Variants in CDH12 observed in about 807,000 individuals in gnomAD.
The protein encoded by CDH12 is cadherin-12.
CDH12 carries 41 observed loss-of-function variants against 74.1 expected under a neutral mutation model. The ratio of observed to expected loss-of-function variants is 0.55; its 90% CI spans 0.43 to 0.72. The LOEUF is 0.72. Ranked by LOEUF, CDH12 falls within the 30% of genes least tolerant of loss-of-function variation. CDH12 has a pLI of 0.00. For synonymous variants in CDH12, 399 were observed against 355.0 expected (o/e 1.12, Z -1.39); for missense variants, 945 against 977.2 (o/e 0.97, Z 0.44).
intron 5 of CDH12, among the ~76,000 whole-genome samples, chr5:22,032,368 G>T (rs914366462): frequency 1.3e-5 from 2 of 151,968 alleles, no homozygotes; most frequent in African/African-American, 4.8e-5. Flanking sequence ...AGGCATTCTA[G>T]CCTTGATCCT....
chr5:22,318,436 G>A (rs1306276359), intron 3 of CDH12, among the ~76,000 whole-genome samples: 1 of 152,166 alleles, frequency 6.6e-6, no homozygotes, highest in Non-Finnish European at 1.5e-5. Context: ...CGGAATCAAA[G>A]TTCATTTCCC....
At chr5:22,562,278 C>T (rs928491793) in intron 1 of CDH12, among the ~76,000 whole-genome samples, 1 of 152,058 alleles carries the variant, frequency 6.6e-6, no homozygotes. Context: ...GATCCCGCCA[C>T]TGCACTCCAG....
chr5:22,742,191 G>T (rs1745061474), intron 1 of CDH12, among the ~76,000 whole-genome samples: 2 of 149,782 alleles, frequency 1.3e-5, no homozygotes, highest in Admixed American at 1.3e-4. Context: ...CAAAAAAAAA[G>T]AAGAAAGAAA....
chr5:22,250,130 A>G (rs970937325), intron 3 of CDH12, among the ~76,000 whole-genome samples: 13 of 152,136 alleles, frequency 8.5e-5, no homozygotes, highest in African/African-American at 3.1e-4. Context: ...CAGAGAGTTT[A>G]ATTTGAGCTA....
intron 1 of CDH12, among the ~76,000 whole-genome samples, chr5:22,506,497 G>T (rs989597399): frequency 1.3e-5 from 2 of 151,982 alleles, no homozygotes; most frequent in African/African-American, 4.8e-5. Context: ...CATATTGGTT[G>T]GTTTAGTGAG....
At chr5:22,438,012 T>C (rs1017736745) in intron 2 of CDH12, among the ~76,000 whole-genome samples, 12 of 152,176 alleles carry the variant, frequency 7.9e-5, no homozygotes, top group African/African-American at 2.9e-4. Flanking sequence ...TGTTTGTTAC[T>C]CCATAATTTT....
chr5:22,808,025 T>C (rs1748908359), intron 1 of CDH12, among the ~76,000 whole-genome samples: 1 of 152,250 alleles, frequency 6.6e-6, no homozygotes, highest in Non-Finnish European at 1.5e-5. Context: ...TTCATTATAA[T>C]CTTATGGGAC....
At chr5:22,829,200 T>C (rs567369351) in intron 1 of CDH12, among the ~76,000 whole-genome samples, 1 of 152,274 alleles carries the variant, frequency 6.6e-6, no homozygotes, top group South Asian at 2.1e-4. Flanking sequence ...CATGAGTAGA[T>C]TTAAATTATG....
At chr5:22,273,644 G>A (rs1736502881) in intron 3 of CDH12, among the ~76,000 whole-genome samples, 2 of 152,172 alleles carry the variant, frequency 1.3e-5, no homozygotes, top group South Asian at 4.1e-4. Flanking sequence ...AGAAAAAGTT[G>A]CAATGATAGA....
intron 1 of CDH12, among the ~76,000 whole-genome samples, chr5:22,820,857 A>C (rs1253081619): frequency 6.6e-6 from 1 of 152,148 alleles, no homozygotes; most frequent in Non-Finnish European, 1.5e-5. Flanking sequence ...CAATAGAAAA[A>C]GAGGGAATCC....
chr5:22,714,118 C>T (rs447409), intron 1 of CDH12, among the ~76,000 whole-genome samples: 41,373 of 152,058 alleles, frequency 0.27, 5,746 homozygotes, highest in South Asian at 0.31. Flanking sequence ...ATGTTCTGAC[C>T]CATTCCATCA....
At chr5:21,832,901 A>ATAC (rs370689678) in intron 8 of CDH12, among the ~76,000 whole-genome samples, 60 of 81,544 alleles carry the variant, frequency 7.4e-4, no homozygotes, top group African/African-American at 4.6e-3. Flanking sequence ...TATATCATAT[A>ATAC]ATATATGATA....
intron 3 of CDH12, among the ~76,000 whole-genome samples, chr5:22,389,648 C>CA (rs1184162182): frequency 8.4e-6 from 1 of 119,704 alleles, no homozygotes; most frequent in Non-Finnish European, 1.7e-5. Context: ...AATAAAAAGA[C>CA]AATTTTTTTT....
At chr5:22,700,703 C>G (rs762436729) in intron 1 of CDH12, among the ~76,000 whole-genome samples, 6 of 152,140 alleles carry the variant, frequency 3.9e-5, no homozygotes, top group Non-Finnish European at 8.8e-5. Context: ...AGAGTCAATA[C>G]TGGTGGTAAG....
intron 5 of CDH12, among the ~76,000 whole-genome samples, chr5:22,036,575 C>T (rs1039439361): frequency 2.0e-5 from 3 of 151,852 alleles, no homozygotes; most frequent in Non-Finnish European, 4.4e-5. Flanking sequence ...TGCACGTGTG[C>T]GTGCGTGTGT....
At chr5:22,434,009 C>T (rs913042299) in intron 2 of CDH12, among the ~76,000 whole-genome samples, 2 of 152,124 alleles carry the variant, frequency 1.3e-5, no homozygotes, top group African/African-American at 4.8e-5. Flanking sequence ...GATCACAGCT[C>T]ATTTCTCGTG....
At chr5:22,222,176 C>CATTTTACT (rs1752040489) in intron 3 of CDH12, among the ~76,000 whole-genome samples, 1 of 151,914 alleles carries the variant, frequency 6.6e-6, no homozygotes, top group Non-Finnish European at 1.5e-5. Flanking sequence ...TCTGCTTCAT[C>CATTTTACT]ATTTTACTAT....
intron 6 of CDH12, among the ~76,000 whole-genome samples, chr5:21,909,331 G>A (rs529755406): frequency 1.3e-5 from 2 of 152,192 alleles, no homozygotes; most frequent in African/African-American, 4.8e-5. Flanking sequence ...ACATGCACTA[G>A]GCCAGGGGCT....
At chr5:22,349,803 C>G (rs1037511668) in intron 3 of CDH12, among the ~76,000 whole-genome samples, 2 of 152,168 alleles carry the variant, frequency 1.3e-5, no homozygotes, top group Admixed American at 1.3e-4. Flanking sequence ...GGCGCAATCT[C>G]GGCTCACTGC....
Sources: allele counts gnomAD v4.1 joint callset (sites outside exome capture counted in the v4.1 genomes callset), GRCh38; gene constraint gnomAD v4.1.1; transcripts MANE v1.5; gene names NCBI Gene and HGNC (gene_info 2026-07-23, HGNC 2026-07-21).